Variants in NPAS3 observed in about 807,000 individuals in gnomAD.
NPAS3 encodes neuronal PAS domain-containing protein 3.
A neutral mutation model predicts 73.1 loss-of-function variants in NPAS3; 14 were observed. The observed-to-expected ratio is 0.19, with a 90% CI of 0.13 to 0.30. NPAS3 has a LOEUF of 0.30. Among genes scored for constraint, NPAS3 ranks in the 10% least tolerant of loss-of-function variants. NPAS3 has a pLI of 1.00. For synonymous variants in NPAS3, 620 were observed against 541.5 expected (o/e 1.14, Z -2.01); for missense variants, 1,096 against 1,250.0 (o/e 0.88, Z 1.86).
chr14:33,461,538 C>T (rs541797860), intron 4 of NPAS3, among the ~76,000 whole-genome samples: 2 of 152,056 alleles, frequency 1.3e-5, no homozygotes, highest in South Asian at 2.1e-4. Flanking sequence ...TTATGAGTTC[C>T]GACGGGAAAA....
chr14:33,736,427 C>T (rs1186928656), intron 7 of NPAS3, among the ~76,000 whole-genome samples: 1 of 152,168 alleles, frequency 6.6e-6, no homozygotes, highest in Non-Finnish European at 1.5e-5. Flanking sequence ...GCCTCCTTAA[C>T]CTTTAGCAGG....
intron 1 of NPAS3, among the ~76,000 whole-genome samples, chr14:32,949,443 C>T (rs1354673435): frequency 1.3e-5 from 2 of 151,998 alleles, no homozygotes; most frequent in African/African-American, 2.4e-5. Context: ...TTAATTGTTA[C>T]CGCTTCTCAA....
At chr14:33,388,998 G>A (rs560916441) in intron 4 of NPAS3, among the ~76,000 whole-genome samples, 56 of 152,002 alleles carry the variant, frequency 3.7e-4, no homozygotes, top group Non-Finnish European at 6.0e-4. Flanking sequence ...CCTTTGTGGC[G>A]TGCACTACCT....
chr14:33,748,106 T>TA (rs2061857983), intron 7 of NPAS3, among the ~76,000 whole-genome samples: 1 of 152,352 alleles, frequency 6.6e-6, no homozygotes, highest in Non-Finnish European at 1.5e-5. Context: ...ATTTGTTTTT[T>TA]AAAAAATGAA....
intron 3 of NPAS3, among the ~76,000 whole-genome samples, chr14:33,292,038 G>A (rs1347706839): frequency 2.0e-5 from 3 of 152,166 alleles, no homozygotes; most frequent in Non-Finnish European, 4.4e-5. Context: ...TCAGAAAACA[G>A]TGTCAGTATT....
intron 2 of NPAS3, among the ~76,000 whole-genome samples, chr14:33,198,697 G>A (rs941771106): frequency 1.3e-5 from 2 of 152,218 alleles, no homozygotes; most frequent in African/African-American, 4.8e-5. Context: ...CCCGCACCAG[G>A]TCCGGGGGCG....
intron 6 of NPAS3, among the ~76,000 whole-genome samples, chr14:33,726,985 C>T (rs1425331438): frequency 6.6e-6 from 1 of 152,136 alleles, no homozygotes; most frequent in African/African-American, 2.4e-5. Context: ...AGCAGTTCCT[C>T]ATCACACGGT....
At chr14:33,316,613 C>G (rs2043215957) in intron 3 of NPAS3, among the ~76,000 whole-genome samples, 1 of 152,108 alleles carries the variant, frequency 6.6e-6, no homozygotes. Flanking sequence ...TTACATTAGA[C>G]AAGCCCTTGT....
intron 5 of NPAS3, among the ~76,000 whole-genome samples, chr14:33,614,782 A>G (rs1264227917): frequency 6.6e-6 from 1 of 152,206 alleles, no homozygotes; most frequent in African/African-American, 2.4e-5. Flanking sequence ...TATTTAAAGT[A>G]ATTGAACCTT....
At chr14:33,764,063 A>C (rs1243321814) in intron 7 of NPAS3, among the ~76,000 whole-genome samples, 1 of 152,150 alleles carries the variant, frequency 6.6e-6, no homozygotes, top group Non-Finnish European at 1.5e-5. Context: ...TCTAAAGCTG[A>C]GGAAGACAGG....
At chr14:33,547,339 C>G (rs778607320) in intron 4 of NPAS3, among the ~76,000 whole-genome samples, 2 of 152,170 alleles carry the variant, frequency 1.3e-5, no homozygotes, top group African/African-American at 4.8e-5. Flanking sequence ...GAGCAAATCT[C>G]ATTGGAGGCA....
chr14:33,358,277 A>G (rs17100796), intron 3 of NPAS3, among the ~76,000 whole-genome samples: 6,899 of 152,214 alleles, frequency 0.045, 392 homozygotes, highest in East Asian at 0.22. Flanking sequence ...TGGGGTTTTC[A>G]GACAGTGCCA....
intron 2 of NPAS3, among the ~76,000 whole-genome samples, chr14:33,193,555 G>A (rs1239291141): frequency 1.3e-5 from 2 of 152,128 alleles, no homozygotes; most frequent in Non-Finnish European, 2.9e-5. Flanking sequence ...AGCAATTAAA[G>A]CTCAGACATT....
intron 5 of NPAS3, among the ~76,000 whole-genome samples, chr14:33,658,542 A>AT (rs1176359626): frequency 6.6e-6 from 1 of 152,200 alleles, no homozygotes; most frequent in East Asian, 1.9e-4. Flanking sequence ...GGGAATGACC[A>AT]AAACCAAATA....
chr14:33,382,948 A>G (rs1030119876), intron 4 of NPAS3, among the ~76,000 whole-genome samples: 2 of 152,018 alleles, frequency 1.3e-5, no homozygotes, highest in South Asian at 2.1e-4. Flanking sequence ...TGAGCCAGGT[A>G]TGATAGTGTG....
chr14:32,967,912 A>AGT (rs10556511), intron 1 of NPAS3, among the ~76,000 whole-genome samples: 22,971 of 151,774 alleles, frequency 0.15, 1,971 homozygotes, highest in Non-Finnish European at 0.2. Context: ...ACATTGTGAG[A>AGT]GTGTGTGTGT....
At chr14:33,015,532 G>C (rs1481193639) in intron 1 of NPAS3, among the ~76,000 whole-genome samples, 1 of 152,124 alleles carries the variant, frequency 6.6e-6, no homozygotes, top group African/African-American at 2.4e-5. Context: ...TAAGGAGTGT[G>C]AGCCAATCTT....
At chr14:33,205,937 A>G (rs906783733) in intron 2 of NPAS3, among the ~76,000 whole-genome samples, 2 of 152,194 alleles carry the variant, frequency 1.3e-5, no homozygotes, top group African/African-American at 4.8e-5. Flanking sequence ...TTTTCCCACT[A>G]GAAAGGTCGT....
chr14:33,303,323 G>A (rs944995341), intron 3 of NPAS3, among the ~76,000 whole-genome samples: 1 of 151,914 alleles, frequency 6.6e-6, no homozygotes, highest in East Asian at 1.9e-4. Flanking sequence ...AGGAAAATTA[G>A]AACTTACTCA....
Sources: gnomAD v4.1 joint callset for allele counts (sites outside exome capture counted in the v4.1 genomes callset) on GRCh38, gnomAD v4.1.1 for gene constraint, MANE v1.5 for transcripts, NCBI Gene and HGNC (gene_info 2026-07-23, HGNC 2026-07-21) for gene names.